The following KLHL24 variants were observed in gnomAD, a reference collection of about 807,000 sequenced individuals.
KLHL24 encodes kelch-like protein 24.
A neutral mutation model predicts 53.4 loss-of-function variants in KLHL24; 29 were observed. That is an observed-to-expected ratio of 0.54 (90% confidence interval 0.40 to 0.74). KLHL24 has a LOEUF of 0.74. Ranked by LOEUF, KLHL24 falls within the 30% of genes least tolerant of loss-of-function variation. The probability of loss-of-function intolerance (pLI) is 0.00; values close to 1 mark genes in which losing one functional copy is unlikely to be tolerated. For missense variants in KLHL24, 504 were observed against 744.0 expected (o/e 0.68, Z 3.75); for synonymous variants, 222 against 253.7 (o/e 0.88, Z 1.19).
chr3:183,670,921 A>G, intron 5 of KLHL24, 113 bp from the exon 6 acceptor site: 1 of 712,000 alleles, frequency 1.4e-6, no homozygotes, highest in Non-Finnish European at 2.4e-6. Context: ...TATTGCAATT[A>G]TATTTATTTA....
At chr3:183,646,441 A>T (rs1717261588) in intron 2 of KLHL24, among the ~76,000 whole-genome samples, 1 of 150,984 alleles carries the variant, frequency 6.6e-6, no homozygotes, top group African/African-American at 2.4e-5. Flanking sequence ...AATATTATTT[A>T]TTTCACTTTA....
At chr3:183,655,509 G>C (rs1718726120) in intron 3 of KLHL24, among the ~76,000 whole-genome samples, 1 of 152,152 alleles carries the variant, frequency 6.6e-6, no homozygotes, top group African/African-American at 2.4e-5. Context: ...TGTACCTGTA[G>C]TCCCAGCTGC....
chr3:183,674,020 T>G (rs1050948360), intron 7 of KLHL24, among the ~76,000 whole-genome samples: 1 of 152,216 alleles, frequency 6.6e-6, no homozygotes, highest in African/African-American at 2.4e-5. Context: ...TCCCCAAACC[T>G]GTTTTTTCTA....
At chr3:183,648,369 C>T (rs946361339) in intron 2 of KLHL24, among the ~76,000 whole-genome samples, 3 of 152,076 alleles carry the variant, frequency 2.0e-5, no homozygotes, top group African/African-American at 4.8e-5. Context: ...ATTTAATATG[C>T]GACAGGGTAC....
Position 183,650,266 on chromosome 3 carries a change from A to T in KLHL24, c.-61-30A>T, listed in dbSNP as rs1717945334. The T allele has an allele frequency of 5.2e-6, 5 of 958,504 alleles. No homozygotes were observed. The South Asian group carries it at 8.8e-5, about 17-fold the overall frequency. 59.4% of individuals were successfully genotyped at this position (958,504 alleles called of 1,614,324 possible). On this transcript the variant is annotated intron_variant, in intron 2 of 7. Coordinates refer to ENST00000242810, the MANE Select transcript of KLHL24 (RefSeq NM_017644.3). This position sits in a 1 kb window ranked among gnomAD's most constrained non-coding sequence, Gnocchi z 4.5. ...GATTTGAATACTGAATTTTTTGCATATTGAAATGTTTTCCTTTTTTTACTT... is the reference window on the plus strand; with the variant it reads ...GATTTGAATACTGAATTTTTTGCATTTTGAAATGTTTTCCTTTTTTTACTT...
At chr3:183,671,350 C>A in intron 6 of KLHL24, 128 bp downstream of exon 6, 1 of 658,228 alleles carries the variant, frequency 1.5e-6, no homozygotes, top group Non-Finnish European at 2.4e-6. Context: ...GTACTATATG[C>A]TTTTGGAGAA....
At chr3:183,662,094 T>C (rs148363384) in intron 3 of KLHL24, among the ~76,000 whole-genome samples, 3 of 152,298 alleles carry the variant, frequency 2.0e-5, no homozygotes, top group Admixed American at 2.0e-4. Context: ...TTTAGGTCCT[T>C]CTGTTAATGT....
intron 6 of KLHL24, among the ~76,000 whole-genome samples, chr3:183,671,439 T>C (rs1182332475): frequency 6.6e-6 from 1 of 152,196 alleles, no homozygotes; most frequent in East Asian, 1.9e-4. Context: ...TCCAATCTTT[T>C]TGAAATGAGA....
rs1215049659 is a variant in KLHL24 at position 183,682,095 on chromosome 3, G to A, written c.*2809G>A. On this transcript the variant is annotated 3_prime_UTR_variant, in exon 8 of 8. Transcript: ENST00000242810. The stretch of plus-strand genomic sequence containing the variant: ...TTTTACATTTGAAAGTACATGATGA[G>A]TATTAGTAACGATGACTTATGTATA... 1 of 152,062 alleles carries A rather than the reference G, an allele frequency of 6.6e-6. No homozygotes were observed. The highest frequency in any genetic ancestry group is 1.5e-5 in the Non-Finnish European group (1 of 67,970). 9.4% of individuals were successfully genotyped at this position (152,062 alleles called of 1,614,324 possible). A position where few individuals can be genotyped will look rare whatever the true frequency, so the allele number is the denominator to read the frequency against.
At chr3:183,675,283 T>A (rs1275206219) in intron 7 of KLHL24, among the ~76,000 whole-genome samples, 1 of 152,230 alleles carries the variant, frequency 6.6e-6, no homozygotes, top group Admixed American at 6.5e-5. Context: ...TAAAACCACT[T>A]TTCTAAAGTT....
chr3:183,673,493 G>T (rs1302865626), intron 7 of KLHL24, among the ~76,000 whole-genome samples: 1 of 151,714 alleles, frequency 6.6e-6, no homozygotes, highest in Non-Finnish European at 1.5e-5. Flanking sequence ...TGTTTCTTTG[G>T]TTAGAGGCTG....
chr3:183,638,503 T>G (rs56014870), intron 1 of KLHL24, among the ~76,000 whole-genome samples: 2,620 of 152,276 alleles, frequency 0.017, 83 homozygotes, highest in African/African-American at 0.06. Flanking sequence ...ATGGACTGTA[T>G]AATGGAAAAA....
At chr3:183,664,657 T>C (rs1720271280) in intron 4 of KLHL24, among the ~76,000 whole-genome samples, 1 of 152,216 alleles carries the variant, frequency 6.6e-6, no homozygotes. Flanking sequence ...TCTTTTATGT[T>C]TGTAAAATTC....
intron 3 of KLHL24, among the ~76,000 whole-genome samples, chr3:183,660,451 C>T (rs1719570387): frequency 6.6e-6 from 1 of 152,092 alleles, no homozygotes; most frequent in Non-Finnish European, 1.5e-5. Flanking sequence ...GGGTTGTAAT[C>T]TATTTCATAG....
intron 7 of KLHL24, among the ~76,000 whole-genome samples, chr3:183,677,377 A>G (rs940546880): frequency 6.6e-6 from 1 of 152,206 alleles, no homozygotes; most frequent in Non-Finnish European, 1.5e-5. Flanking sequence ...AGTTTGTTCC[A>G]TAATTGGTGC....
Position 183,650,853 on chromosome 3 carries a change from G to C in KLHL24, c.497G>C (p.Cys166Ser), listed in dbSNP as rs772083320. Residue 166 changes from cysteine to serine, a missense_variant, in exon 3 of 8, where the codon TGT becomes TCT. By Grantham distance (112) the Cys-to-Ser change is moderately radical (BLOSUM62 -1). Transcript: ENST00000242810. This position sits in a 1 kb window ranked among gnomAD's most constrained non-coding sequence, Gnocchi z 4.5. ...TTCTTGGAGGAGCAACTTGATCCTTGTAATTGCTTAGGAATCCAGCGCTTT... is the reference window on the plus strand; with the variant it reads ...TTCTTGGAGGAGCAACTTGATCCTTCTAATTGCTTAGGAATCCAGCGCTTT... ...AKFLEEQLDP[C>S]NCLGIQRFAD... 1 of 1,613,952 alleles carries C rather than the reference G, an allele frequency of 6.2e-7. No individual in the cohort carries two copies. The highest frequency in any genetic ancestry group is 8.5e-7 in the Non-Finnish European group (1 of 1,180,030).
At position 183,643,502 on chromosome 3, in the gene KLHL24, CAT is replaced by C. The variant is rs1025539354; in HGVS notation, c.-99_-98del. The C allele has an allele frequency of 1.4e-4, 22 of 152,158 alleles. No individual in the cohort carries two copies. The highest frequency in any genetic ancestry group is 1.4e-3 in the Admixed American group (22 of 15,268). 9.4% of individuals were successfully genotyped at this position (152,158 alleles called of 1,614,324 possible). The stretch of plus-strand genomic sequence containing the variant: ...TAGGTGTGGAAATTAAAAGAACACA[CAT>C]ATTTTGACTGGGGCTTTGATCAACC... On this transcript the variant is annotated 5_prime_UTR_variant, in exon 2 of 8. Transcript: ENST00000242810.
rs1236939143 is a variant in KLHL24, at chr3:183,681,892, AT to A, written c.*2607del. Reference sequence around the variant, plus strand: ...TGCTCATATGAACCTTTGGTTTAGAATCTATATATGTACATGTGTATGTATG... The same window carrying A: ...TGCTCATATGAACCTTTGGTTTAGAACTATATATGTACATGTGTATGTATG... On this transcript the variant is annotated 3_prime_UTR_variant, in exon 8 of 8. Transcript: ENST00000242810. 1,222 of 152,640 alleles carry A rather than the reference AT, an allele frequency of 8.0e-3. 13 individuals carry two copies. Among genetic ancestry groups the A allele is most frequent in the African/African-American group, 0.028 (1,173 of 41,566 alleles). 9.5% of individuals were successfully genotyped at this position (152,640 alleles called of 1,614,324 possible).
At chr3:183,641,546 A>T (rs570781552) in intron 1 of KLHL24, among the ~76,000 whole-genome samples, 4 of 145,724 alleles carry the variant, frequency 2.7e-5, no homozygotes, top group Non-Finnish European at 6.0e-5. Flanking sequence ...GAGTTACTAT[A>T]TATCTTTCAA....
Sources: allele counts gnomAD v4.1 joint callset (sites outside exome capture counted in the v4.1 genomes callset), GRCh38; gene constraint gnomAD v4.1.1; non-coding constraint Gnocchi (gnomAD v3.1); transcripts MANE v1.5; gene names NCBI Gene and HGNC (gene_info 2026-07-23, HGNC 2026-07-21).